Variants in LHFPL3 observed in about 807,000 individuals in gnomAD.
LHFPL3 encodes the protein LHFPL tetraspan subfamily member 3, also known as LHFPL tetraspan subfamily member 3 protein.
Under a neutral mutation model 19.3 loss-of-function variants are expected in LHFPL3, and 5 were observed. That is an observed-to-expected ratio of 0.26 (90% CI 0.14 to 0.54). LHFPL3 has a LOEUF of 0.54. Ranked by LOEUF, LHFPL3 falls within the 20% of genes least tolerant of loss-of-function variation. LHFPL3 has a pLI of 0.94. For synonymous variants in LHFPL3, 133 were observed against 126.2 expected, an observed-to-expected ratio of 1.05 and a Z score of -0.36; for missense variants, 249 against 307.4, an observed-to-expected ratio of 0.81 and a Z score of 1.42.
chr7:104,340,507 G>A (rs1421226528), intron 1 of LHFPL3, among the ~76,000 whole-genome samples: 2 of 152,130 alleles, frequency 1.3e-5, no homozygotes, highest in Non-Finnish European at 2.9e-5. Context: ...TATGATTACT[G>A]TTACTATTCC....
chr7:104,750,510 G>T (rs1159913905), intron 2 of LHFPL3, among the ~76,000 whole-genome samples: 1 of 149,068 alleles, frequency 6.7e-6, no homozygotes, highest in Non-Finnish European at 1.5e-5. Context: ...CGCCTTTATA[G>T]TCTGAATCAA....
At chr7:104,557,058 G>T (rs1789854126) in intron 1 of LHFPL3, among the ~76,000 whole-genome samples, 1 of 152,074 alleles carries the variant, frequency 6.6e-6, no homozygotes. Flanking sequence ...TCAACATTTT[G>T]GTCAAAGCCC....
At chr7:104,867,287 G>A (rs543409007) in intron 2 of LHFPL3, among the ~76,000 whole-genome samples, 3 of 152,226 alleles carry the variant, frequency 2.0e-5, no homozygotes, top group Non-Finnish European at 1.5e-5. Context: ...ATGAATCCAG[G>A]AGCTGGTTTT....
intron 1 of LHFPL3, among the ~76,000 whole-genome samples, chr7:104,423,965 A>C (rs1208042332): frequency 1.3e-5 from 2 of 152,254 alleles, no homozygotes; most frequent in Non-Finnish European, 2.9e-5. Flanking sequence ...TGGCATGTGG[A>C]GAGAATGGTC....
intron 1 of LHFPL3, among the ~76,000 whole-genome samples, chr7:104,651,506 A>G (rs1354675986): frequency 1.3e-5 from 2 of 152,228 alleles, no homozygotes; most frequent in Non-Finnish European, 2.9e-5. Flanking sequence ...TTGCCCTGGC[A>G]CATGCCCTCA....
At chr7:104,685,688 C>CT (rs1437180126) in intron 1 of LHFPL3, among the ~76,000 whole-genome samples, 1 of 152,208 alleles carries the variant, frequency 6.6e-6, no homozygotes, top group African/African-American at 2.4e-5. Context: ...AGCATCAGAG[C>CT]TGCAGGAATC....
Position 104,709,185 on chromosome 7 carries a change from A to G in LHFPL3, c.446-27490A>G, listed in dbSNP as rs191197889. ...GATGTCATTTTTTTTTATTACTATC[A>G]TAATTTTATTATCCACAATTTCATT... On this transcript the variant is annotated intron_variant, in intron 1 of 2. Transcript: ENST00000424859. Among the ~76,000 whole-genome samples, 3 of 150,864 alleles carry G rather than the reference A, an allele frequency of 2.0e-5. No individual in the cohort carries two copies. In the East Asian group the frequency reaches 5.8e-4, roughly 29 times the overall value.
chr7:104,639,146 C>A (rs1232550718), intron 1 of LHFPL3, among the ~76,000 whole-genome samples: 1 of 152,000 alleles, frequency 6.6e-6, no homozygotes, highest in Non-Finnish European at 1.5e-5. Context: ...TGAATGGTAC[C>A]AACTCTTCTT....
At chr7:104,711,772 G>T (rs960386017) in intron 1 of LHFPL3, among the ~76,000 whole-genome samples, 1 of 152,144 alleles carries the variant, frequency 6.6e-6, no homozygotes, top group Non-Finnish European at 1.5e-5. Context: ...AGAAAACCCA[G>T]AAGAGATTTA....
At chr7:104,600,192 A>C (rs1790936341) in intron 1 of LHFPL3, among the ~76,000 whole-genome samples, 1 of 152,260 alleles carries the variant, frequency 6.6e-6, no homozygotes, top group South Asian at 2.1e-4. Flanking sequence ...ATGTGAACTC[A>C]TAGTAGCAGA....
chr7:104,668,014 G>A (rs1157954410), intron 1 of LHFPL3: 30 of 1,613,594 alleles, frequency 1.9e-5, no homozygotes, highest in African/African-American at 5.3e-5. Flanking sequence ...GACCGGAGCC[G>A]TCTTCCCAAA....
At chr7:104,845,883 C>A (rs561735238) in intron 2 of LHFPL3, among the ~76,000 whole-genome samples, 2 of 152,304 alleles carry the variant, frequency 1.3e-5, no homozygotes, top group Non-Finnish European at 2.9e-5. Context: ...CGGCTGTGGG[C>A]GTCTCCATAG....
intron 1 of LHFPL3, among the ~76,000 whole-genome samples, chr7:104,471,679 A>G (rs537651717): frequency 1.9e-4 from 29 of 152,222 alleles, no homozygotes; most frequent in Non-Finnish European, 4.0e-4. Context: ...TTACATAACC[A>G]TTCCATGTCT....
At chr7:104,791,313 T>A (rs1790018724) in intron 2 of LHFPL3, among the ~76,000 whole-genome samples, 1 of 152,226 alleles carries the variant, frequency 6.6e-6, no homozygotes, top group African/African-American at 2.4e-5. Context: ...AACATTTCTA[T>A]TGACAGGGTT....
At position 104,846,783 on chromosome 7, in the gene LHFPL3, G is replaced by A. The variant is rs73714148; in HGVS notation, c.683-59404G>A. Among the ~76,000 whole-genome samples, 894 of 152,306 alleles carry A rather than the reference G, an allele frequency of 5.9e-3. 13 individuals are homozygous for A. The highest frequency in any genetic ancestry group is 0.021 in the African/African-American group (860 of 41,552). On this transcript the variant is annotated intron_variant, in intron 2 of 2. Coordinates refer to ENST00000424859, the MANE Select transcript of LHFPL3 (RefSeq NM_199000.3). ...GTCCCTGTCCTGGCTCTGCTATGAA[G>A]TATCTGGATGAGCTTGAGAAAGTTG... is the stretch of plus-strand genomic sequence containing the variant.
At chr7:104,512,310 T>G (rs986824773) in intron 1 of LHFPL3, among the ~76,000 whole-genome samples, 16 of 152,106 alleles carry the variant, frequency 1.1e-4, no homozygotes, top group Admixed American at 3.9e-4. Context: ...TTAGGGGTCA[T>G]GTAATCGTTT....
intron 1 of LHFPL3, among the ~76,000 whole-genome samples, chr7:104,380,530 TAATG>T (rs1468771801): frequency 1.3e-5 from 2 of 152,104 alleles, no homozygotes; most frequent in African/African-American, 4.8e-5. Flanking sequence ...GAATACAAAT[TAATG>T]AAAATATCTG....
At chr7:104,393,967 A>G (rs1488013023) in intron 1 of LHFPL3, among the ~76,000 whole-genome samples, 2 of 152,180 alleles carry the variant, frequency 1.3e-5, no homozygotes, top group Non-Finnish European at 2.9e-5. Context: ...GGAAATGACT[A>G]TTAATGGGAT....
intron 1 of LHFPL3, among the ~76,000 whole-genome samples, chr7:104,731,629 A>G (rs2116283153): frequency 6.6e-6 from 1 of 151,852 alleles, no homozygotes; most frequent in African/African-American, 2.4e-5. Flanking sequence ...TTGGGCTGAG[A>G]TGATGGGGTT....
Sources: gnomAD v4.1 joint callset for allele counts (sites outside exome capture counted in the v4.1 genomes callset) on GRCh38, gnomAD v4.1.1 for gene constraint, MANE v1.5 for transcripts, NCBI Gene and HGNC (gene_info 2026-07-23, HGNC 2026-07-21) for gene names.